Variants in LRP12 observed in about 807,000 individuals in gnomAD.
LRP12 encodes the protein low-density lipoprotein receptor-related protein 12.
In LRP12, 14 loss-of-function variants were observed where a neutral mutation model predicts 66.0. The observed-to-expected ratio is 0.21, with a 90% CI of 0.14 to 0.33. LRP12 has a LOEUF of 0.33. Ranked by LOEUF, LRP12 falls within the 10% of genes least tolerant of loss-of-function variation. The probability of loss-of-function intolerance (pLI) is 1.00; values close to 1 mark genes in which losing one functional copy is unlikely to be tolerated. For synonymous variants in LRP12, 357 were observed against 359.1 expected, an observed-to-expected ratio of 0.99 and a Z score of 0.07; for missense variants, 889 against 1,053.4, an observed-to-expected ratio of 0.84 and a Z score of 2.16.
chr8:104,571,732 C>G (rs551282745), intron 1 of LRP12, among the ~76,000 whole-genome samples: 2 of 152,320 alleles, frequency 1.3e-5, no homozygotes, highest in South Asian at 2.1e-4. Context: ...AGGTCCACCT[C>G]CTGGTGGCAG....
intron 1 of LRP12, among the ~76,000 whole-genome samples, chr8:104,541,123 A>G (rs1322099830): frequency 1.3e-5 from 2 of 152,334 alleles, no homozygotes; most frequent in Non-Finnish European, 2.9e-5. Flanking sequence ...TATGTTTGAA[A>G]TGTCTTGGAA....
intron 4 of LRP12, among the ~76,000 whole-genome samples, chr8:104,499,067 A>T (rs1810783147): frequency 6.6e-6 from 1 of 152,234 alleles, no homozygotes; most frequent in African/African-American, 2.4e-5. Context: ...CTTAGAATAA[A>T]TGTATTTAAG....
chr8:104,579,855 G>T (rs1041660339), intron 1 of LRP12, among the ~76,000 whole-genome samples: 2 of 152,168 alleles, frequency 1.3e-5, no homozygotes, highest in Non-Finnish European at 2.9e-5. Flanking sequence ...AATAAATGGT[G>T]CTGGGGTAAC....
At chr8:104,549,554 C>T (rs1163605631) in intron 1 of LRP12, among the ~76,000 whole-genome samples, 2 of 151,988 alleles carry the variant, frequency 1.3e-5, no homozygotes, top group East Asian at 3.9e-4. Flanking sequence ...AGGCGCCTGC[C>T]ACCGCACCTG....
chr8:104,559,975 C>T (rs1446545863), intron 1 of LRP12, among the ~76,000 whole-genome samples: 1 of 151,980 alleles, frequency 6.6e-6, no homozygotes, highest in Non-Finnish European at 1.5e-5. Context: ...CTCCAGTTTA[C>T]CAATGAAGAA....
rs868597672 is a variant in LRP12 at position 104,527,383 on chromosome 8, C to A, written c.136+4524G>T. Reference sequence around the variant, plus strand: ...TGCTGCTATAAAGACACATGCACACCTATGTTTACTGCGGCACTATTCACA... The same window carrying A: ...TGCTGCTATAAAGACACATGCACACATATGTTTACTGCGGCACTATTCACA... On this transcript the variant is annotated intron_variant, in intron 2 of 6. Coordinates refer to ENST00000276654, the MANE Select transcript of LRP12 (RefSeq NM_013437.5). 1.3e-4 allele frequency among the ~76,000 whole-genome samples: 19 copies of A among 149,456 alleles called. No individual in the cohort carries two copies. In the South Asian group the frequency reaches 3.8e-3, roughly 30 times the overall value.
chr8:104,581,439 C>CA, intron 1 of LRP12, among the ~76,000 whole-genome samples: 1 of 151,652 alleles, frequency 6.6e-6, no homozygotes. Flanking sequence ...TTATGTACAA[C>CA]AAACCCCCAT....
rs1810589663 is a variant in LRP12, at chr8:104,489,837, C to T, written c.*836G>A. On this transcript the variant is annotated 3_prime_UTR_variant, in exon 7 of 7. Coordinates refer to ENST00000276654, the MANE Select transcript of LRP12 (RefSeq NM_013437.5). ...CCCTAGGGTCCAATGCAAGCGCAAC[C>T]CTGTATTAGGGAAAGACATTACCAG... 1 of 152,492 alleles carries T rather than the reference C, an allele frequency of 6.6e-6. No individual in the cohort carries two copies. Among genetic ancestry groups the T allele is most frequent in the Non-Finnish European group, 1.5e-5 (1 of 68,012 alleles). The allele number at this position is 152,492 out of a possible 1,614,324, so 9.4% of individuals were successfully genotyped here. A position where few individuals can be genotyped will look rare whatever the true frequency, so the allele number is the denominator to read the frequency against.
chr8:104,583,946 TAGAC>T lies in LRP12; in HGVS notation c.79+4869_79+4872del, dbSNP rs534343040. ...GTTTCCTTCCTTCCCTTCTATAACTTAGACAGTAAGAATTCCCTAAGCTAATACA... is the reference window on the plus strand; with the variant it reads ...GTTTCCTTCCTTCCCTTCTATAACTTAGTAAGAATTCCCTAAGCTAATACA... On this transcript the variant is annotated intron_variant, in intron 1 of 6. Transcript: ENST00000276654. 1.3e-3 allele frequency among the ~76,000 whole-genome samples: 194 copies of T among 152,200 alleles called. 1 individual carries two copies. Among genetic ancestry groups the T allele is most frequent in the African/African-American group, 4.3e-3 (179 of 41,556 alleles).
At chr8:104,552,360 T>C (rs34154627) in intron 1 of LRP12, among the ~76,000 whole-genome samples, 28,120 of 151,318 alleles carry the variant, frequency 0.19, 3,262 homozygotes, top group African/African-American at 0.33. Flanking sequence ...TGTATAAATA[T>C]GTCTTTTTTT....
At chr8:104,492,701 A>T (rs1052110983) in intron 6 of LRP12, among the ~76,000 whole-genome samples, 1 of 152,158 alleles carries the variant, frequency 6.6e-6, no homozygotes, top group South Asian at 2.1e-4. Context: ...ATAATTTATG[A>T]TAAGAAGCTA....
intron 2 of LRP12, among the ~76,000 whole-genome samples, chr8:104,515,868 T>G (rs1490866049): frequency 6.6e-6 from 1 of 152,194 alleles, no homozygotes; most frequent in Non-Finnish European, 1.5e-5. Flanking sequence ...CTTTGTTCAT[T>G]TTGCTTCCTT....
chr8:104,535,988 G>C (rs1811388227), intron 1 of LRP12, among the ~76,000 whole-genome samples: 1 of 152,028 alleles, frequency 6.6e-6, no homozygotes, highest in South Asian at 2.1e-4. Context: ...AAAATGCTCA[G>C]CTTCCTACAA....
chr8:104,515,786 C>T (rs1206828027), intron 2 of LRP12, among the ~76,000 whole-genome samples: 1 of 152,130 alleles, frequency 6.6e-6, no homozygotes, highest in Non-Finnish European at 1.5e-5. Flanking sequence ...ATTTTATTTG[C>T]TAGGGTTATA....
chr8:104,563,420 G>C (rs1182829319), intron 1 of LRP12, among the ~76,000 whole-genome samples: 1 of 151,598 alleles, frequency 6.6e-6, no homozygotes, highest in African/African-American at 2.4e-5. Flanking sequence ...TCCAAACTTA[G>C]GTCTGTCTTA....
chr8:104,534,500 A>C (rs2140864835), intron 1 of LRP12, among the ~76,000 whole-genome samples: 1 of 152,178 alleles, frequency 6.6e-6, no homozygotes, highest in Non-Finnish European at 1.5e-5. Context: ...TATATAGTTC[A>C]TTCCCATCAT....
chr8:104,513,497 A>C (rs1345574170), intron 2 of LRP12, among the ~76,000 whole-genome samples: 8 of 152,120 alleles, frequency 5.3e-5, no homozygotes. Flanking sequence ...TGACCCACTG[A>C]AATAGACTTT....
intron 1 of LRP12, among the ~76,000 whole-genome samples, chr8:104,547,554 ATAT>A (rs1262336891): frequency 1.6e-5 from 2 of 127,550 alleles, no homozygotes; most frequent in Admixed American, 8.8e-5. Flanking sequence ...ATATAATTAC[ATAT>A]TATATATTAA....
chr8:104,509,318 T>C (rs947385181), intron 2 of LRP12, among the ~76,000 whole-genome samples: 1 of 152,230 alleles, frequency 6.6e-6, no homozygotes, highest in Non-Finnish European at 1.5e-5. Context: ...TGCTTTTCAT[T>C]GTTCAGTTAC....
Sources: gnomAD v4.1 joint callset for allele counts (sites outside exome capture counted in the v4.1 genomes callset) on GRCh38, gnomAD v4.1.1 for gene constraint, MANE v1.5 for transcripts, NCBI Gene and HGNC (gene_info 2026-07-23, HGNC 2026-07-21) for gene names.